MTA3: variants seen among roughly 807,000 people sequenced by gnomAD.
MTA3 encodes metastasis associated 1 family member 3.
A neutral mutation model predicts 83.5 loss-of-function variants in MTA3; 34 were observed. That is an observed-to-expected ratio of 0.41 (90% confidence interval 0.31 to 0.54). The LOEUF (loss-of-function observed/expected upper bound fraction) is 0.54. Among genes scored for constraint, MTA3 ranks in the 20% least tolerant of loss-of-function variants. The pLI, the probability that MTA3 is intolerant of heterozygous loss-of-function variation, is 0.33. For synonymous variants in MTA3, 303 were observed against 252.7 expected (o/e 1.20, Z -1.89); for missense variants, 761 against 726.4 (o/e 1.05, Z -0.55).
At chr2:42,533,520 C>CTTTTTTTTTTTTTTTTT (rs763768263) in intron 2 of MTA3, 1 of 128,604 alleles carries the variant, frequency 7.8e-6, no homozygotes, top group Non-Finnish European at 1.6e-5. Context: ...CTTTTCTTTT[C>CTTTTTTTTTTTTTTTTT]TTTTTTTTTT....
At chr2:42,509,429 A>G (rs1674795903) in intron 2 of MTA3, among the ~76,000 whole-genome samples, 1 of 152,094 alleles carries the variant, frequency 6.6e-6, no homozygotes, top group African/African-American at 2.4e-5. Context: ...GTTCACACCA[A>G]TACTCCCAGT....
intron 3 of MTA3, among the ~76,000 whole-genome samples, chr2:42,605,091 C>T (rs993185121): frequency 6.6e-6 from 1 of 151,044 alleles, no homozygotes; most frequent in Admixed American, 6.6e-5. Context: ...TCTCAATGAG[C>T]TGTTGGGTAC....
In MTA3 at chr2:42,752,452, T is replaced by C. The variant is rs562964310; in HGVS notation, c.1760-922T>C. The C allele has an allele frequency of 2.2e-4, 79 of 354,474 alleles. 1 individual carries two copies. The highest frequency in any genetic ancestry group is 1.6e-3 in the South Asian group (76 of 47,582). 22.0% of individuals were successfully genotyped at this position (354,474 alleles called of 1,614,324 possible). On this transcript the variant is annotated intron_variant, in intron 16 of 16. Transcript: ENST00000405094. ...ACTAAGTAAAAAGCTTTCACAACTT[T>C]CTAATACAACACGGTGGTGATGTGG...
At chr2:42,576,468 T>C (rs1227102963) in intron 2 of MTA3, among the ~76,000 whole-genome samples, 1 of 152,114 alleles carries the variant, frequency 6.6e-6, no homozygotes, top group Non-Finnish European at 1.5e-5. Flanking sequence ...CAAATAATGA[T>C]TTAAAAATAC....
At chr2:42,536,545 G>A (rs1262501795) in intron 2 of MTA3, among the ~76,000 whole-genome samples, 2 of 151,920 alleles carry the variant, frequency 1.3e-5, no homozygotes, top group South Asian at 2.1e-4. Flanking sequence ...TCCTGCTTCA[G>A]TGATAATTGA....
intron 2 of MTA3, among the ~76,000 whole-genome samples, chr2:42,499,980 G>C (rs1266606431): frequency 1.3e-5 from 2 of 150,760 alleles, no homozygotes; most frequent in Non-Finnish European, 3.0e-5. Context: ...AAAAGAGAGA[G>C]AGAGATGGCT....
chr2:42,740,515 ATGAATGAATCAG>A (rs375341340), intron 16 of MTA3, among the ~76,000 whole-genome samples: 1 of 152,366 alleles, frequency 6.6e-6, no homozygotes, highest in African/African-American at 2.4e-5. Flanking sequence ...CAATGAATGA[ATGAATGAATCAG>A]TGAATGAATC....
intron 10 of MTA3, among the ~76,000 whole-genome samples, chr2:42,696,883 G>T (rs1693432873): frequency 1.3e-5 from 2 of 152,126 alleles, no homozygotes; most frequent in African/African-American, 4.8e-5. Flanking sequence ...AACAACTTAG[G>T]TATAGATCAA....
chr2:42,627,725 ATTTTTT>A (rs869227831), intron 4 of MTA3, among the ~76,000 whole-genome samples: 5 of 103,384 alleles, frequency 4.8e-5, no homozygotes, highest in Non-Finnish European at 1.8e-5. Flanking sequence ...GCCTGGCTAA[ATTTTTT>A]TTTTTTTTTT....
At chr2:42,664,033 C>T (rs1470711722) in intron 8 of MTA3, among the ~76,000 whole-genome samples, 2 of 152,174 alleles carry the variant, frequency 1.3e-5, no homozygotes, top group East Asian at 3.9e-4. Context: ...TGGATCTGCA[C>T]TTGATTCCTC....
chr2:42,716,616 A>T lies in MTA3; in HGVS notation c.1526-2372A>T, dbSNP rs780903991. ...CTGTTACTGTATTAGTTTGCTAAGGATAGTGGCCTCCAGCTCCATCCATGT... is the reference window on the plus strand; with the variant it reads ...CTGTTACTGTATTAGTTTGCTAAGGTTAGTGGCCTCCAGCTCCATCCATGT... On this transcript the variant is annotated intron_variant, in intron 14 of 16. Coordinates refer to ENST00000405094, the MANE Select transcript of MTA3 (RefSeq NM_001330442.2). Among the ~76,000 whole-genome samples, 4 of 152,156 alleles carry T rather than the reference A, an allele frequency of 2.6e-5. No homozygotes were observed. The East Asian group carries it at 7.7e-4, about 29-fold the overall frequency.
Position 42,582,060 on chromosome 2 carries a change from T to C in MTA3, c.190+2860T>C, listed in dbSNP as rs1203696341. On this transcript the variant is annotated intron_variant, in intron 3 of 16. Transcript: ENST00000405094. ...CCACCGTGGCCGGCAATATGAGATATTTTATCTTTTTTTTTGAGACGGAGT... is the reference window on the plus strand; with the variant it reads ...CCACCGTGGCCGGCAATATGAGATACTTTATCTTTTTTTTTGAGACGGAGT... Among the ~76,000 whole-genome samples the C allele has an allele frequency of 2.6e-5, 4 of 151,590 alleles. 1 individual carries two copies. In the South Asian group the frequency reaches 6.3e-4, roughly 24 times the overall value.
intron 4 of MTA3, among the ~76,000 whole-genome samples, chr2:42,623,650 C>T (rs904596840): frequency 6.6e-6 from 1 of 151,072 alleles, no homozygotes; most frequent in East Asian, 1.9e-4. Flanking sequence ...GATTGTATCC[C>T]CATGGTATTT....
chr2:42,703,262 A>G (rs902810878), intron 11 of MTA3: 1 of 152,196 alleles, frequency 6.6e-6, no homozygotes, highest in South Asian at 2.1e-4. Flanking sequence ...AAAACCTCCA[A>G]ATACCTTTAC....
chr2:42,667,578 G>GTGTGTGTGTGTGTGTGTTTGTGTGTT, intron 8 of MTA3, among the ~76,000 whole-genome samples: 1 of 129,912 alleles, frequency 7.7e-6, no homozygotes, highest in East Asian at 2.1e-4. Context: ...AATTGTGTGT[G>GTGTGTGTGTGTGTGTGTTTGTGTGTT]TGTGTGTGTG....
intron 16 of MTA3, among the ~76,000 whole-genome samples, chr2:42,727,208 A>G (rs1667891893): frequency 1.3e-5 from 2 of 152,286 alleles, no homozygotes; most frequent in South Asian, 2.1e-4. Flanking sequence ...TTAAAAAGAA[A>G]GAAAGAAAGA....
intron 2 of MTA3, among the ~76,000 whole-genome samples, chr2:42,533,864 C>T (rs1390292402): frequency 2.0e-5 from 3 of 148,590 alleles, no homozygotes; most frequent in Admixed American, 1.3e-4. Context: ...AATAAAGAAA[C>T]GAAAGAATGG....
chr2:42,605,696 G>A (rs1451376354), intron 3 of MTA3, among the ~76,000 whole-genome samples: 13 of 132,360 alleles, frequency 9.8e-5, no homozygotes, highest in African/African-American at 2.9e-4. Flanking sequence ...CGGATGGGGC[G>A]GCTGGCCGGG....
intron 3 of MTA3, among the ~76,000 whole-genome samples, chr2:42,582,684 C>T (rs907039898): frequency 6.6e-6 from 1 of 152,132 alleles, no homozygotes; most frequent in African/African-American, 2.4e-5. Context: ...GGGGTCTGCT[C>T]ACTGTTGGTA....
Sources: allele counts gnomAD v4.1 joint callset (sites outside exome capture counted in the v4.1 genomes callset), GRCh38; gene constraint gnomAD v4.1.1; transcripts MANE v1.5; gene names NCBI Gene and HGNC (gene_info 2026-07-23, HGNC 2026-07-21).